The following KCNH5 variants were observed in gnomAD, a reference collection of about 807,000 sequenced individuals.
KCNH5 encodes voltage-gated delayed rectifier potassium channel KCNH5.
KCNH5 carries 46 observed loss-of-function variants against 96.1 expected under a neutral mutation model. The ratio of observed to expected loss-of-function variants is 0.48; its 90% CI spans 0.38 to 0.61. The LOEUF is 0.61. KCNH5 is among the 20% of genes least tolerant of loss of function. KCNH5 has a pLI of 0.00. For missense variants in KCNH5, 907 were observed against 1,225.8 expected (o/e 0.74, Z 3.88); for synonymous variants, 439 against 449.8 (o/e 0.98, Z 0.30).
At chr14:62,744,250 A>G (rs1003495054) in intron 10 of KCNH5, among the ~76,000 whole-genome samples, 1 of 152,186 alleles carries the variant, frequency 6.6e-6, no homozygotes, top group African/African-American at 2.4e-5. Context: ...GTCACTTAAT[A>G]TTGAGGGATT....
chr14:62,851,895 G>A (rs1887814855), intron 7 of KCNH5, among the ~76,000 whole-genome samples: 1 of 151,898 alleles, frequency 6.6e-6, no homozygotes, highest in Non-Finnish European at 1.5e-5. Flanking sequence ...ATCTTTTAGG[G>A]TACATTAAAT....
intron 8 of KCNH5, among the ~76,000 whole-genome samples, chr14:62,819,762 T>C (rs1229547898): frequency 6.6e-6 from 1 of 152,216 alleles, no homozygotes; most frequent in Non-Finnish European, 1.5e-5. Flanking sequence ...TATATACATA[T>C]GCAAAAATTT....
At chr14:62,943,378 C>A (rs940991223) in intron 7 of KCNH5, among the ~76,000 whole-genome samples, 5 of 152,082 alleles carry the variant, frequency 3.3e-5, no homozygotes, top group African/African-American at 1.2e-4. Flanking sequence ...CAAAATAAAT[C>A]ATCCACGTAC....
At chr14:62,715,334 T>G (rs1884661244) in intron 10 of KCNH5, among the ~76,000 whole-genome samples, 1 of 152,184 alleles carries the variant, frequency 6.6e-6, no homozygotes, top group Admixed American at 6.5e-5. Flanking sequence ...GACTAGGAAT[T>G]TATAGCTATA....
intron 10 of KCNH5, among the ~76,000 whole-genome samples, chr14:62,717,478 C>A (rs1265889285): frequency 6.6e-6 from 1 of 152,092 alleles, no homozygotes; most frequent in Non-Finnish European, 1.5e-5. Context: ...CTGAAATAAA[C>A]CTATGCATCT....
At chr14:62,708,559 G>C in intron 10 of KCNH5, 104 bp from the exon 11 acceptor site, 1 of 645,902 alleles carries the variant, frequency 1.5e-6, no homozygotes, top group Non-Finnish European at 2.4e-6. Context: ...GAAAACCCTT[G>C]AATATTTGAT....
intron 10 of KCNH5, among the ~76,000 whole-genome samples, chr14:62,724,172 G>C (rs145280909): frequency 2.1e-4 from 32 of 152,258 alleles, no homozygotes; most frequent in Admixed American, 2.1e-3. Flanking sequence ...AAATAGCACT[G>C]GTTATTAGTA....
intron 2 of KCNH5, among the ~76,000 whole-genome samples, chr14:63,012,481 G>A (rs919658610): frequency 2.0e-5 from 3 of 152,082 alleles, no homozygotes; most frequent in African/African-American, 4.8e-5. Flanking sequence ...GGAAACAGAA[G>A]GCTACTCTGT....
intron 8 of KCNH5, among the ~76,000 whole-genome samples, chr14:62,803,627 G>T (rs1470227475): frequency 6.6e-6 from 1 of 152,138 alleles, no homozygotes; most frequent in Non-Finnish European, 1.5e-5. Flanking sequence ...GGAAGCAAAT[G>T]GCAGAAGTAT....
intron 7 of KCNH5, among the ~76,000 whole-genome samples, chr14:62,869,379 G>GT (rs531475423): frequency 0.036 from 5,123 of 143,372 alleles, 126 homozygotes; most frequent in East Asian, 0.083. Context: ...TTTTGATGGG[G>GT]TTTTTTTTTT....
In KCNH5 at chr14:62,708,105, A is replaced by G. The variant is rs759768613; in HGVS notation, c.2370T>C (p.Ala790=). The change falls in exon 11 of 11, where the codon GCT becomes GCC. Residue 790 remains alanine (A), a synonymous_variant. Transcript: ENST00000322893. The stretch of plus-strand genomic sequence containing the variant: ...TGTTGACTTTGAGACATTTTTGGTC[A>G]GCACCGCCGTTGGGCTTGAGTTCCA... The part of the protein sequence containing the change: ...DAMELKPNGG[A]DQKCLKVNSP... The G allele has an allele frequency of 2.5e-6, 4 of 1,614,204 alleles. No individual in the cohort carries two copies. The South Asian group carries it at 4.4e-5, about 18-fold the overall frequency.
chr14:62,748,566 T>C (rs1440710996), intron 10 of KCNH5, among the ~76,000 whole-genome samples: 1 of 152,076 alleles, frequency 6.6e-6, no homozygotes, highest in African/African-American at 2.4e-5. Context: ...ATCTCCCTGC[T>C]TCCTTTACAA....
At chr14:62,731,540 A>C (rs1363026141) in intron 10 of KCNH5, among the ~76,000 whole-genome samples, 1 of 152,114 alleles carries the variant, frequency 6.6e-6, no homozygotes, top group South Asian at 2.1e-4. Context: ...TTTTCTACTA[A>C]AATTTGAACC....
chr14:62,769,950 A>C (rs561848038), intron 10 of KCNH5, among the ~76,000 whole-genome samples: 1 of 152,214 alleles, frequency 6.6e-6, no homozygotes, highest in African/African-American at 2.4e-5. Context: ...ACTACGTACT[A>C]TTTGAGGGTT....
At chr14:62,949,800 C>CTTT (rs10523496) in intron 7 of KCNH5, 20 of 168,294 alleles carry the variant, frequency 1.2e-4, no homozygotes, top group Non-Finnish European at 2.1e-4. Context: ...GATCCTATCT[C>CTTT]TTTTTTTTTT....
chr14:62,934,136 C>CTTT (rs71451286), intron 7 of KCNH5, among the ~76,000 whole-genome samples: 67 of 141,446 alleles, frequency 4.7e-4, no homozygotes, highest in East Asian at 3.7e-3. Context: ...TTCTTTCTTT[C>CTTT]TTTTTTTTTT....
intron 8 of KCNH5, among the ~76,000 whole-genome samples, chr14:62,824,123 T>G (rs1219910419): frequency 6.6e-6 from 1 of 152,060 alleles, no homozygotes; most frequent in Non-Finnish European, 1.5e-5. Context: ...TTCTGTTTCA[T>G]TGTTTCCCTA....
chr14:62,925,347 T>C (rs574382622), intron 7 of KCNH5, among the ~76,000 whole-genome samples: 1 of 152,168 alleles, frequency 6.6e-6, no homozygotes, highest in South Asian at 2.1e-4. Context: ...ATGTATGGCA[T>C]TAAACCATAT....
Position 62,707,810 on chromosome 14 carries a change from G to C in KCNH5, c.2665C>G (p.Pro889Ala). 6.2e-7 allele frequency: 1 copy of C among 1,614,120 alleles called. No homozygotes were observed. Among genetic ancestry groups the C allele is most frequent in the Non-Finnish European group, 8.5e-7 (1 of 1,180,028 alleles). Residue 889 changes from proline to alanine, a missense_variant, in exon 11 of 11, where the codon CCC becomes GCC. Coordinates refer to ENST00000322893, the MANE Select transcript of KCNH5 (RefSeq NM_139318.5). ...GEARSPLEHSPIQADAKHPFY... is the reference protein window; with the variant it reads ...GEARSPLEHSAIQADAKHPFY... ...GGGTGCTTGGCATCAGCCTGGATGG[G>C]ACTGTGCTCTAGCGGACTTCGGGCC... is the stretch of plus-strand genomic sequence containing the variant.
Sources: allele counts gnomAD v4.1 joint callset (sites outside exome capture counted in the v4.1 genomes callset), GRCh38; gene constraint gnomAD v4.1.1; transcripts MANE v1.5; gene names NCBI Gene and HGNC (gene_info 2026-07-23, HGNC 2026-07-21).